The following PRMT8 variants were observed in gnomAD, a reference collection of about 807,000 sequenced individuals.
The protein encoded by PRMT8 is protein arginine N-methyltransferase 8.
A neutral mutation model predicts 47.1 loss-of-function variants in PRMT8; 7 were observed. That is an observed-to-expected ratio of 0.15 (90% CI 0.08 to 0.28). PRMT8 has a LOEUF of 0.28. Among genes scored for constraint, PRMT8 ranks in the 10% least tolerant of loss-of-function variants. PRMT8 has a pLI of 1.00. For missense variants in PRMT8, 237 were observed against 505.4 expected (o/e 0.47, Z 5.09); for synonymous variants, 188 against 186.5 (o/e 1.01, Z -0.07).
chr12:3,484,342 G>C (rs1234064345), intron 1 of PRMT8, among the ~76,000 whole-genome samples: 1 of 152,186 alleles, frequency 6.6e-6, no homozygotes, highest in Non-Finnish European at 1.5e-5. Flanking sequence ...TAAAGAGGAG[G>C]AAACAGGCCC....
In PRMT8 at chr12:3,396,751, T is replaced by C. The variant is rs368104282; in HGVS notation, c.48+15309T>C. ...ATTCTCTGTATTTCCTGAATCTGAA[T>C]GTTGGCCTGCCTTGCTAGATTGGGG... On this transcript the variant is annotated intron_variant, in intron 1 of 9. Coordinates refer to the PRMT8 transcript ENST00000452611. 1.1e-4 allele frequency among the ~76,000 whole-genome samples: 17 copies of C among 151,966 alleles called. No individual in the cohort carries two copies. In the East Asian group the frequency reaches 1.2e-3, roughly 10 times the overall value.
At chr12:3,495,006 C>T (rs186052014) in intron 1 of PRMT8, among the ~76,000 whole-genome samples, 1 of 152,334 alleles carries the variant, frequency 6.6e-6, no homozygotes, top group East Asian at 1.9e-4. Context: ...AAGGGAATCA[C>T]CATTCTGCCA....
intron 1 of PRMT8, among the ~76,000 whole-genome samples, chr12:3,425,610 T>G (rs184332059): frequency 6.6e-6 from 1 of 152,388 alleles, no homozygotes; most frequent in East Asian, 1.9e-4. Flanking sequence ...TTTTATTAAC[T>G]GTCACCTACC....
chr12:3,442,588 G>C lies in PRMT8; in HGVS notation c.48+61146G>C, dbSNP rs540390962. Among the ~76,000 whole-genome samples, 73 of 152,294 alleles carry C rather than the reference G, an allele frequency of 4.8e-4. 1 individual carries two copies. In the Middle Eastern group the frequency reaches 0.02, roughly 43 times the overall value. On this transcript the variant is annotated intron_variant, in intron 1 of 9. Coordinates refer to the PRMT8 transcript ENST00000452611. The stretch of plus-strand genomic sequence containing the variant: ...AGAATGGGGTACCAGGGCTTGGCCT[G>C]GAACGGGTATGAGGCTAGGGAGCCC...
At chr12:3,528,596 G>A (rs1255858327) in intron 1 of PRMT8, among the ~76,000 whole-genome samples, 1 of 151,496 alleles carries the variant, frequency 6.6e-6, no homozygotes, top group African/African-American at 2.4e-5. Flanking sequence ...GTACTTTAAT[G>A]TCTTATATAC....
intron 1 of PRMT8, among the ~76,000 whole-genome samples, chr12:3,391,628 C>T (rs566082965): frequency 7.2e-5 from 11 of 152,278 alleles, no homozygotes; most frequent in Middle Eastern, 3.4e-3. Flanking sequence ...CTAGAGGATT[C>T]GGGCGGAGGA....
At position 3,492,141 on chromosome 12, in the gene PRMT8, G is replaced by C. The variant is rs906650175; in HGVS notation, c.75+441G>C. ...GTCTGCCCCCTGCAGTGCCTTGACC[G>C]TCTCCTGCCGCTGCCTCAGCTTTAC... On this transcript the variant is annotated intron_variant, in intron 1 of 9. Transcript: ENST00000382622. The surrounding 1 kb of genome is among the most constrained non-coding windows in gnomAD (Gnocchi z 7.5). 2.6e-5 allele frequency among the ~76,000 whole-genome samples: 4 copies of C among 151,714 alleles called. No homozygotes were observed. Among genetic ancestry groups the C allele is most frequent in the African/African-American group, 9.7e-5 (4 of 41,294 alleles).
In PRMT8 at chr12:3,557,176, T is replaced by C. The variant is rs1866542182; in HGVS notation, c.481+3462T>C. 6.6e-6 allele frequency among the ~76,000 whole-genome samples: 1 copy of C among 151,930 alleles called. No individual in the cohort carries two copies. Among genetic ancestry groups the C allele is most frequent in the Non-Finnish European group, 1.5e-5 (1 of 67,984 alleles). ...GCGATGTGTCTGATGCCTGTAGAGA[T>C]GTGTGACCATAGAGGCTCAGTGAGT... is the stretch of plus-strand genomic sequence containing the variant. On this transcript the variant is annotated intron_variant, in intron 4 of 9. Coordinates refer to ENST00000382622, the MANE Select transcript of PRMT8 (RefSeq NM_019854.5). This position sits in a 1 kb window ranked among gnomAD's most constrained non-coding sequence, Gnocchi z 4.7.
intron 1 of PRMT8, among the ~76,000 whole-genome samples, chr12:3,426,628 C>T (rs1224956168): frequency 6.6e-6 from 1 of 152,156 alleles, no homozygotes; most frequent in Admixed American, 6.5e-5. Context: ...GCATTAAATG[C>T]AATAGTTTGA....
At chr12:3,560,204 G>A (rs1211561284) in intron 4 of PRMT8, among the ~76,000 whole-genome samples, 1 of 152,222 alleles carries the variant, frequency 6.6e-6, no homozygotes, top group African/African-American at 2.4e-5. Flanking sequence ...TGGCTGCACG[G>A]ATGCTTCCAT....
chr12:3,510,889 C>T (rs1865702339), intron 1 of PRMT8, among the ~76,000 whole-genome samples: 1 of 152,206 alleles, frequency 6.6e-6, no homozygotes, highest in South Asian at 2.1e-4. Flanking sequence ...ACTTTCCTTA[C>T]ACATTCACTC....
At chr12:3,518,409 T>TAA (rs1555088238) in intron 1 of PRMT8, among the ~76,000 whole-genome samples, 12 of 148,980 alleles carry the variant, frequency 8.1e-5, no homozygotes, top group Admixed American at 2.7e-4. Context: ...TTTTTTTTTT[T>TAA]AAAAAAAAGG....
intron 1 of PRMT8, among the ~76,000 whole-genome samples, chr12:3,445,133 G>A (rs1158617874): frequency 6.6e-6 from 1 of 152,248 alleles, no homozygotes; most frequent in African/African-American, 2.4e-5. Flanking sequence ...ATCAGACCAA[G>A]TGTGTAAATA....
At chr12:3,483,247 G>A (rs569161982) in intron 1 of PRMT8, among the ~76,000 whole-genome samples, 4 of 152,302 alleles carry the variant, frequency 2.6e-5, no homozygotes, top group Non-Finnish European at 2.9e-5. Context: ...TCCCTCTCCC[G>A]TCTGCGAGGC....
chr12:3,413,534 G>A (rs1210396051), intron 1 of PRMT8, among the ~76,000 whole-genome samples: 1 of 152,146 alleles, frequency 6.6e-6, no homozygotes, highest in Non-Finnish European at 1.5e-5. Flanking sequence ...CCACTGGAAG[G>A]TCTTCAGGGG....
At position 3,436,795 on chromosome 12, in the gene PRMT8, C is replaced by T. The variant is rs1440796689; in HGVS notation, c.48+55353C>T. Among the ~76,000 whole-genome samples the T allele has an allele frequency of 2.6e-5, 4 of 152,158 alleles. No homozygotes were observed. Among genetic ancestry groups the T allele is most frequent in the East Asian group, 1.9e-4 (1 of 5,188 alleles). Reference sequence around the variant, plus strand: ...ATGGAGGCCTGGGTGATGGGAGAAGCGGATCCAGCAGGCAAGGCTGCGATT... The same window carrying T: ...ATGGAGGCCTGGGTGATGGGAGAAGTGGATCCAGCAGGCAAGGCTGCGATT... On this transcript the variant is annotated intron_variant, in intron 1 of 9. Transcript: ENST00000452611. This position sits in a 1 kb window ranked among gnomAD's most constrained non-coding sequence, Gnocchi z 4.2.
At chr12:3,489,834 C>T (rs1196276177), upstream of PRMT8, among the ~76,000 whole-genome samples, 4 of 107,624 alleles carry the variant, frequency 3.7e-5, no homozygotes, top group Admixed American at 2.6e-4. Flanking sequence ...CACACACACA[C>T]GCGCGCACAC....
At chr12:3,458,062 C>T (rs945505802) in intron 1 of PRMT8, among the ~76,000 whole-genome samples, 2 of 151,906 alleles carry the variant, frequency 1.3e-5, no homozygotes, top group Admixed American at 6.6e-5. Flanking sequence ...AGGCTGGTCT[C>T]GATTTCTTGA....
At chr12:3,533,176 C>T (rs1183120954) in intron 1 of PRMT8, among the ~76,000 whole-genome samples, 2 of 152,194 alleles carry the variant, frequency 1.3e-5, no homozygotes, top group Non-Finnish European at 2.9e-5. Flanking sequence ...AGTGGCTTGC[C>T]CCCAACATCC....
Sources: allele counts gnomAD v4.1 joint callset (sites outside exome capture counted in the v4.1 genomes callset), GRCh38; gene constraint gnomAD v4.1.1; non-coding constraint Gnocchi (gnomAD v3.1); transcripts MANE v1.5; gene names NCBI Gene and HGNC (gene_info 2026-07-23, HGNC 2026-07-21).